SPMIP2: variants seen among roughly 807,000 people sequenced by gnomAD.
SPMIP2 encodes the protein sperm microtubule inner protein 2.
the SPMIP2 span, among the ~76,000 whole-genome samples, chr4:158,961,262 CTCT>C: frequency 6.6e-6 from 1 of 152,054 alleles, no homozygotes; most frequent in East Asian, 1.9e-4. Context: ...CTCTTCTCTC[CTCT>C]TCCTTTTCCC....
the SPMIP2 span, chr4:158,893,688 A>G: frequency 6.3e-7 from 1 of 1,587,462 alleles, no homozygotes; most frequent in African/African-American, 1.3e-5. Flanking sequence ...AGGTTGAGTT[A>G]TGCTGATTTA....
At chr4:159,041,227 A>G in the SPMIP2 span, among the ~76,000 whole-genome samples, 3 of 152,196 alleles carry the variant, frequency 2.0e-5, 1 homozygote, top group South Asian at 6.2e-4. Context: ...TGCCGGGCCA[A>G]TCAACCCAAC....
the SPMIP2 span, among the ~76,000 whole-genome samples, chr4:159,003,935 G>C: frequency 2.0e-5 from 3 of 152,138 alleles, no homozygotes; most frequent in Admixed American, 6.6e-5. Context: ...AGAAAATGTT[G>C]GACACAGAAA....
the SPMIP2 span, among the ~76,000 whole-genome samples, chr4:159,036,573 C>T: frequency 6.6e-6 from 1 of 152,220 alleles, no homozygotes; most frequent in Non-Finnish European, 1.5e-5. Flanking sequence ...CAAATAACCA[C>T]CTTGCCCCCC....
the SPMIP2 span, chr4:158,973,099 C>G: frequency 8.2e-6 from 13 of 1,593,968 alleles, no homozygotes; most frequent in Admixed American, 1.0e-4. Context: ...AAGCCACTCC[C>G]CAGTCTTGAT....
chr4:159,056,562 A>G, the SPMIP2 span, among the ~76,000 whole-genome samples: 25 of 152,366 alleles, frequency 1.6e-4, 1 homozygote, highest in African/African-American at 6.0e-4. Context: ...ACATCGAGGC[A>G]TGGACTTCAT....
chr4:159,048,731 CTTTTTTTTTTTTT>C, the SPMIP2 span, among the ~76,000 whole-genome samples: 1 of 111,470 alleles, frequency 9.0e-6, no homozygotes, highest in Admixed American at 9.8e-5. Context: ...TCCCCTTCCA[CTTTTTTTTTTTTT>C]TTTTTTTTTT....
At chr4:158,900,181 CTAATT>C in the SPMIP2 span, among the ~76,000 whole-genome samples, 1 of 152,162 alleles carries the variant, frequency 6.6e-6, no homozygotes, top group African/African-American at 2.4e-5. Context: ...ATCCTGAGTT[CTAATT>C]TGATTGCACT....
the SPMIP2 span, among the ~76,000 whole-genome samples, chr4:159,041,146 G>A: frequency 0.18 from 26,739 of 152,106 alleles, 2,745 homozygotes; most frequent in African/African-American, 0.28. Flanking sequence ...AAAAGAGTCT[G>A]TAGTCTTCCT....
chr4:159,059,750 G>A, the SPMIP2 span, among the ~76,000 whole-genome samples: 1 of 152,200 alleles, frequency 6.6e-6, no homozygotes, highest in East Asian at 1.9e-4. Context: ...TCTGAACAGG[G>A]AAAGAAGAGC....
At chr4:158,902,111 C>T in the SPMIP2 span, among the ~76,000 whole-genome samples, 9 of 152,202 alleles carry the variant, frequency 5.9e-5, 1 homozygote, top group East Asian at 1.7e-3. Flanking sequence ...GGTTTCTCCC[C>T]ATCTTCATGG....
the SPMIP2 span, chr4:158,973,448 G>A: frequency 2.1e-6 from 1 of 470,144 alleles, no homozygotes; most frequent in Non-Finnish European, 3.7e-6. Context: ...AAGCCTTTTA[G>A]ACATGTTAAT....
chr4:159,080,478 C>T, the SPMIP2 span, among the ~76,000 whole-genome samples: 3 of 152,222 alleles, frequency 2.0e-5, no homozygotes, highest in South Asian at 6.2e-4. Flanking sequence ...CCTCGGGTCT[C>T]AAAGTGCTGA....
chr4:159,038,388 G>A, the SPMIP2 span, among the ~76,000 whole-genome samples: 42 of 152,244 alleles, frequency 2.8e-4, no homozygotes, highest in Admixed American at 8.5e-4. Context: ...GTTCTTGTTA[G>A]TGTGATTGAA....
chr4:159,038,008 G>T, the SPMIP2 span, among the ~76,000 whole-genome samples: 3 of 149,972 alleles, frequency 2.0e-5, no homozygotes, highest in Non-Finnish European at 4.4e-5. Flanking sequence ...TCTCAATACA[G>T]CTGCAAAATG....
the SPMIP2 span, among the ~76,000 whole-genome samples, chr4:159,071,702 G>A: frequency 1.3e-5 from 2 of 152,120 alleles, no homozygotes; most frequent in African/African-American, 2.4e-5. Context: ...CACCATGAGG[G>A]AAAGAATTCT....
chr4:158,937,234 G>C, the SPMIP2 span, among the ~76,000 whole-genome samples: 5 of 152,156 alleles, frequency 3.3e-5, no homozygotes, highest in Admixed American at 6.5e-5. Context: ...AGTTGTCATG[G>C]AGATGATTCA....
the SPMIP2 span, among the ~76,000 whole-genome samples, chr4:158,994,042 T>C: frequency 1.3e-5 from 2 of 152,224 alleles, no homozygotes; most frequent in South Asian, 4.1e-4. Context: ...ACCTATCTAA[T>C]CCCTTCAAGT....
the SPMIP2 span, among the ~76,000 whole-genome samples, chr4:158,935,468 G>A: frequency 6.6e-6 from 1 of 152,142 alleles, no homozygotes; most frequent in African/African-American, 2.4e-5. Flanking sequence ...ATAAAGGGAA[G>A]GATTCATTCC....
Sources: gnomAD v4.1 joint callset for allele counts (sites outside exome capture counted in the v4.1 genomes callset) on GRCh38, gnomAD v4.1.1 for gene constraint, MANE v1.5 for transcripts, NCBI Gene and HGNC (gene_info 2026-07-23, HGNC 2026-07-21) for gene names.